The following CFAP44 variants were observed in gnomAD, a reference collection of about 807,000 sequenced individuals.
CFAP44 encodes the protein cilia- and flagella-associated protein 44.
A neutral mutation model predicts 216.2 loss-of-function variants in CFAP44; 134 were observed. The observed-to-expected ratio is 0.62, with a 90% CI of 0.54 to 0.72. The LOEUF (loss-of-function observed/expected upper bound fraction) is 0.72. Among genes scored for constraint, CFAP44 ranks in the 30% least tolerant of loss-of-function variants. CFAP44 has a pLI of 0.00. For missense variants in CFAP44, 2,035 were observed against 2,182.1 expected (o/e 0.93, Z 1.34); for synonymous variants, 700 against 727.6 (o/e 0.96, Z 0.61).
intron 25 of CFAP44, among the ~76,000 whole-genome samples, chr3:113,331,907 T>C (rs927652776): frequency 6.6e-6 from 1 of 152,226 alleles, no homozygotes; most frequent in East Asian, 1.9e-4. Flanking sequence ...CTATGAGGTA[T>C]ACCAGACATG....
Position 113,379,535 on chromosome 3 carries a change from T to G in CFAP44, c.2069A>C (p.Glu690Ala). 6.3e-7 allele frequency: 1 copy of G among 1,587,240 alleles called. No individual in the cohort carries two copies. Among genetic ancestry groups the G allele is most frequent in the African/African-American group, 1.3e-5 (1 of 74,140 alleles). Residue 690 changes from glutamate to alanine, a missense_variant, in exon 17 of 35, where the codon GAA becomes GCA. Glu to Ala is a moderately radical substitution (Grantham distance 107). This residue lies in a region of CFAP44 where 1,883 missense variants were observed against 2,023.7 expected (regional missense o/e 0.93). Coordinates refer to ENST00000393845, the MANE Select transcript of CFAP44 (RefSeq NM_001164496.2). ...KSKILRLIEI[E>A]KRERQRELKE... ...CAACTCCCTTTGTCTCTCCCTCTTTTCAATTTCTATTAATCTCTTTTAAAA... is the reference window on the plus strand; with the variant it reads ...CAACTCCCTTTGTCTCTCCCTCTTTGCAATTTCTATTAATCTCTTTTAAAA...
At chr3:113,412,115 G>A (rs148753842) in intron 6 of CFAP44, among the ~76,000 whole-genome samples, 3,027 of 152,268 alleles carry the variant, frequency 0.02, 54 homozygotes, top group Non-Finnish European at 0.029. Flanking sequence ...AGACAGGGAT[G>A]CCCTCTCTCA....
chr3:113,438,025 G>A (rs75217380), intron 1 of CFAP44, among the ~76,000 whole-genome samples: 4,432 of 152,250 alleles, frequency 0.029, 112 homozygotes, highest in East Asian at 0.1. Flanking sequence ...AACTTTGACT[G>A]CACTTTGCAA....
chr3:113,338,731 T>C (rs1329582300), intron 24 of CFAP44, among the ~76,000 whole-genome samples: 1 of 152,214 alleles, frequency 6.6e-6, no homozygotes, highest in African/African-American at 2.4e-5. Context: ...TCATTTGCTG[T>C]AAGTCCTGTA....
intron 2 of CFAP44, 86 bp from the exon 3 acceptor site, chr3:113,427,425 G>A (rs1934992362): frequency 2.0e-6 from 2 of 998,204 alleles, no homozygotes; most frequent in East Asian, 2.7e-5. Flanking sequence ...ATTTCCTTGT[G>A]CTATAGATGT....
At chr3:113,360,811 A>T in intron 21 of CFAP44, 1 of 186,588 alleles carries the variant, frequency 5.4e-6, no homozygotes, top group South Asian at 9.9e-5. Flanking sequence ...AGAGAGACCA[A>T]CTGTTTCATA....
At chr3:113,339,093 C>T (rs753069427) in intron 24 of CFAP44, among the ~76,000 whole-genome samples, 1 of 152,176 alleles carries the variant, frequency 6.6e-6, no homozygotes, top group African/African-American at 2.4e-5. Flanking sequence ...ACCATCTGTC[C>T]TCACATCCAC....
At chr3:113,307,048 T>TC (rs1362008112) in intron 29 of CFAP44, among the ~76,000 whole-genome samples, 1 of 152,204 alleles carries the variant, frequency 6.6e-6, no homozygotes, top group East Asian at 1.9e-4. Flanking sequence ...AAATTACAGA[T>TC]CCCAAAACTT....
intron 4 of CFAP44, among the ~76,000 whole-genome samples, chr3:113,424,032 T>C (rs926193704): frequency 3.9e-5 from 6 of 152,250 alleles, no homozygotes; most frequent in Non-Finnish European, 7.3e-5. Context: ...CTTTAGGTTA[T>C]AGTTCACCAT....
intron 5 of CFAP44, among the ~76,000 whole-genome samples, 179 bp downstream of exon 5, chr3:113,419,838 G>A (rs1377304546): frequency 1.3e-5 from 2 of 152,200 alleles, no homozygotes; most frequent in Non-Finnish European, 2.9e-5. Context: ...TAGTGACAGT[G>A]AATGAGTGTC....
rs544926946 is a variant in CFAP44, at chr3:113,344,294, G to A, written c.3262+222C>T. On this transcript the variant is annotated intron_variant, in intron 23 of 34. Coordinates refer to ENST00000393845, the MANE Select transcript of CFAP44 (RefSeq NM_001164496.2). ...ACAAACTACATTAAAGAGGAAAGTG[G>A]ACATGGAGCATTTCTTGGGAAAATG... Among the ~76,000 whole-genome samples the A allele has an allele frequency of 5.9e-5, 9 of 152,090 alleles. No individual in the cohort carries two copies. The East Asian group carries it at 1.5e-3, about 26-fold the overall frequency.
chr3:113,358,902 A>C, intron 21 of CFAP44, 27 bp from the exon 22 acceptor site: 1 of 1,533,552 alleles, frequency 6.5e-7, no homozygotes, highest in South Asian at 1.2e-5. Context: ...CTGTTCATCA[A>C]AATGGGTACT....
At chr3:113,362,789 C>G in intron 21 of CFAP44, 1 of 727,468 alleles carries the variant, frequency 1.4e-6, no homozygotes, top group Non-Finnish European at 1.8e-6. Context: ...AGCCACCGGA[C>G]GCTTCAGGCC....
At chr3:113,340,507 T>C (rs377565248) in intron 24 of CFAP44, among the ~76,000 whole-genome samples, 13 of 152,300 alleles carry the variant, frequency 8.5e-5, no homozygotes, top group African/African-American at 3.1e-4. Context: ...CACACTCACC[T>C]TCCGCAATCC....
At chr3:113,400,693 G>A in intron 11 of CFAP44, 49 bp from the exon 12 acceptor site, 1 of 1,494,694 alleles carries the variant, frequency 6.7e-7, no homozygotes, top group African/African-American at 1.4e-5. Flanking sequence ...GAGTAACAAA[G>A]AATTAAGATC....
At chr3:113,388,965 C>T (rs1379313055) in intron 15 of CFAP44, among the ~76,000 whole-genome samples, 1 of 152,216 alleles carries the variant, frequency 6.6e-6, no homozygotes, top group Non-Finnish European at 1.5e-5. Flanking sequence ...CTGGACAGAT[C>T]ATCCAGGCAG....
At chr3:113,324,420 C>A (rs1346440392) in intron 28 of CFAP44, among the ~76,000 whole-genome samples, 2 of 151,946 alleles carry the variant, frequency 1.3e-5, no homozygotes. Flanking sequence ...TTGCACTATG[C>A]CAAGGAAGGT....
rs1051686453 is a variant in CFAP44, at chr3:113,330,483, C to T, written c.3801G>A (p.Lys1267=). 5.0e-5 allele frequency: 77 copies of T among 1,537,062 alleles called. No homozygotes were observed. Among genetic ancestry groups the T allele is most frequent in the Admixed American group, 9.8e-5 (5 of 50,970 alleles). Reference sequence around the variant, plus strand: ...GAGTTTCTTCATCATACTGAAATCTCTTTTCTGGAACTTCTTCTGGGTGTA... The same window carrying T: ...GAGTTTCTTCATCATACTGAAATCTTTTTTCTGGAACTTCTTCTGGGTGTA... ...PQIHPEEVPE[K]RFQYDEETLL... The change falls in exon 26 of 35, where the codon AAG becomes AAA. Residue 1267 remains lysine (K), a synonymous_variant. Transcript: ENST00000393845.
chr3:113,348,224 C>G (rs543262050), intron 22 of CFAP44, among the ~76,000 whole-genome samples: 18 of 152,002 alleles, frequency 1.2e-4, no homozygotes, highest in African/African-American at 4.4e-4. Context: ...AAATCAAAAC[C>G]GCGGGCGGTT....
Sources: allele counts gnomAD v4.1 joint callset (sites outside exome capture counted in the v4.1 genomes callset), GRCh38; gene constraint gnomAD v4.1.1; regional missense constraint gnomAD v4.1.1; transcripts MANE v1.5; gene names NCBI Gene and HGNC (gene_info 2026-07-23, HGNC 2026-07-21).